The following SVEP1 variants were observed in gnomAD, a reference collection of about 807,000 sequenced individuals.
SVEP1 encodes sushi, von Willebrand factor type A, EGF and pentraxin domain containing 1.
In SVEP1, 164 loss-of-function variants were observed where a neutral mutation model predicts 367.3. That is an observed-to-expected ratio of 0.45 (90% CI 0.39 to 0.51). SVEP1 has a LOEUF of 0.51. SVEP1 is among the 20% of genes least tolerant of loss of function. The probability of loss-of-function intolerance (pLI) is 0.00; values close to 1 mark genes in which losing one functional copy is unlikely to be tolerated. For synonymous variants in SVEP1, 1,666 were observed against 1,611.6 expected (o/e 1.03, Z -0.81); for missense variants, 4,117 against 4,425.3 (o/e 0.93, Z 1.98).
intron 12 of SVEP1, 27 bp downstream of exon 12, chr9:110,481,215 G>A: frequency 7.0e-7 from 1 of 1,435,814 alleles, no homozygotes; most frequent in Middle Eastern, 1.8e-4. Flanking sequence ...ACACATTAAA[G>A]AAGTCTAGAA....
intron 23 of SVEP1, 84 bp from the exon 24 acceptor site, chr9:110,450,344 T>G: frequency 7.2e-7 from 1 of 1,397,838 alleles, no homozygotes; most frequent in Non-Finnish European, 9.9e-7. Context: ...CCCTGGAGGA[T>G]GCTGCTTCTA....
At position 110,400,958 on chromosome 9, in the gene SVEP1, A is replaced by C. The variant is rs200910564; in HGVS notation, c.9718T>G (p.Ser3240Ala). The change falls in exon 40 of 48, where the codon TCT (serine) becomes GCT (alanine). Residue 3240 changes from serine to alanine, a missense_variant. Physicochemically the swap from Ser to Ala is moderately conservative, Grantham distance 99. Coordinates refer to ENST00000374469, the MANE Select transcript of SVEP1 (RefSeq NM_153366.4). ...TCTGGACTTTCAGGTTTCCCACAAG[A>C]AACTGGACTGCAAGATTCATCGGAG... ...PFSDESCSPV[S>A]CGKPESPEHG... 1,276 of 1,613,820 alleles carry C rather than the reference A, an allele frequency of 7.9e-4. No individual in the cohort carries two copies. The highest frequency in any genetic ancestry group is 1.0e-3 in the Non-Finnish European group (1,190 of 1,179,866).
intron 46 of SVEP1, 87 bp from the exon 47 acceptor site, chr9:110,370,103 C>T: frequency 8.3e-7 from 1 of 1,199,738 alleles, no homozygotes; most frequent in Non-Finnish European, 1.2e-6. Flanking sequence ...AGATTTGACT[C>T]TACTTCCTGC....
At position 110,464,396 on chromosome 9, in the gene SVEP1, C is replaced by G. The variant is rs372453816; in HGVS notation, c.3322+1469G>C. Among the ~76,000 whole-genome samples the G allele has an allele frequency of 1.6e-4, 25 of 152,302 alleles. No homozygotes were observed. The East Asian group carries it at 2.1e-3, about 13-fold the overall frequency. ...TCCTACTAGACTGAGATAATTTAAACAGATGGAGTATATATAAACCTATAA... is the reference window on the plus strand; with the variant it reads ...TCCTACTAGACTGAGATAATTTAAAGAGATGGAGTATATATAAACCTATAA... On this transcript the variant is annotated intron_variant, in intron 18 of 47. Coordinates refer to ENST00000374469, the MANE Select transcript of SVEP1 (RefSeq NM_153366.4).
intron 26 of SVEP1, among the ~76,000 whole-genome samples, chr9:110,443,965 A>G (rs1296306598): frequency 6.6e-6 from 1 of 152,136 alleles, no homozygotes; most frequent in Admixed American, 6.5e-5. Context: ...GGGTAGGAAA[A>G]AGTCTTAGGA....
intron 31 of SVEP1, 40 bp downstream of exon 31, chr9:110,432,422 T>C (rs1415183513): frequency 6.4e-7 from 1 of 1,574,540 alleles, no homozygotes; most frequent in East Asian, 2.3e-5. Context: ...TCTACAGAGC[T>C]AGAATAATCT....
chr9:110,514,513 C>CAAA (rs71978747), intron 3 of SVEP1, among the ~76,000 whole-genome samples: 3 of 109,428 alleles, frequency 2.7e-5, no homozygotes, highest in Admixed American at 1.8e-4. Context: ...AACTCCATCT[C>CAAA]AAAAAAAAAA....
intron 8 of SVEP1, among the ~76,000 whole-genome samples, chr9:110,490,311 T>G (rs1003863705): frequency 6.6e-6 from 1 of 152,160 alleles, no homozygotes; most frequent in Non-Finnish European, 1.5e-5. Flanking sequence ...ACCTTAAATA[T>G]TTATCTTTTC....
intron 46 of SVEP1, among the ~76,000 whole-genome samples, chr9:110,373,905 TC>T (rs1164760403): frequency 2.0e-5 from 3 of 152,222 alleles, no homozygotes; most frequent in Non-Finnish European, 4.4e-5. Flanking sequence ...TTTTTACTAA[TC>T]AATCAACTAC....
chr9:110,372,164 C>T (rs1257055511), intron 46 of SVEP1, among the ~76,000 whole-genome samples: 1 of 152,204 alleles, frequency 6.6e-6, no homozygotes, highest in Non-Finnish European at 1.5e-5. Context: ...TGATTTTCTT[C>T]TGGGGACTCC....
intron 9 of SVEP1, among the ~76,000 whole-genome samples, chr9:110,485,847 C>G (rs1460820499): frequency 6.6e-6 from 1 of 152,186 alleles, no homozygotes; most frequent in Non-Finnish European, 1.5e-5. Context: ...AATACATACT[C>G]TGAAATTAAC....
At chr9:110,466,060 T>C (rs200787598) in intron 17 of SVEP1, 34 bp from the exon 18 acceptor site, 49 of 1,597,118 alleles carry the variant, frequency 3.1e-5, no homozygotes, top group Non-Finnish European at 3.8e-5. Context: ...CTATCAATAA[T>C]GATATTAAGC....
intron 43 of SVEP1, among the ~76,000 whole-genome samples, chr9:110,383,921 C>A (rs1011149115): frequency 6.6e-6 from 1 of 151,524 alleles, no homozygotes; most frequent in East Asian, 2.0e-4. Flanking sequence ...ATGGGGAATT[C>A]CTCCTCTGTC....
Position 110,375,465 on chromosome 9 carries a change from T to TTAA in SVEP1, c.10505-3_10505-2insTTA. ...TCAGACAGGGAAGAATGCAGATTGC[T>TTAA]AAAAAAAAAAAAAAAAAAAAAAAAA... On this transcript the variant is annotated splice_region_variant and splice_polypyrimidine_tract_variant and intron_variant, in intron 45 of 47. Transcript: ENST00000374469. The TTAA allele has an allele frequency of 3.6e-6, 2 of 555,402 alleles. No individual in the cohort carries two copies. Among genetic ancestry groups the TTAA allele is most frequent in the Admixed American group, 4.5e-5 (1 of 22,340 alleles). The allele number at this position is 555,402 out of a possible 1,614,324, so 34.4% of individuals were successfully genotyped here. A position where few individuals can be genotyped will look rare whatever the true frequency, so the allele number is the denominator to read the frequency against.
At chr9:110,537,537 G>C (rs1758665359) in intron 3 of SVEP1, among the ~76,000 whole-genome samples, 1 of 151,800 alleles carries the variant, frequency 6.6e-6, no homozygotes, top group Non-Finnish European at 1.5e-5. Flanking sequence ...ACAATTCTGT[G>C]ATCAACAGAA....
At position 110,429,553 on chromosome 9, in the gene SVEP1, G is replaced by C. The variant is rs1288998274; in HGVS notation, c.5616-219C>G. ...TAGGATAGATTTAAGAATTTGGCTT[G>C]CCTTCAGTTTGTGTCATGGATTAGT... On this transcript the variant is annotated intron_variant, in intron 34 of 47. Coordinates refer to ENST00000374469, the MANE Select transcript of SVEP1 (RefSeq NM_153366.4). 2.6e-5 allele frequency among the ~76,000 whole-genome samples: 4 copies of C among 151,754 alleles called. No individual in the cohort carries two copies. The East Asian group carries it at 7.7e-4, about 29-fold the overall frequency.
At chr9:110,512,372 T>C (rs1401610369) in intron 5 of SVEP1, among the ~76,000 whole-genome samples, 1 of 152,156 alleles carries the variant, frequency 6.6e-6, no homozygotes, top group East Asian at 1.9e-4. Flanking sequence ...ACTATTTTTT[T>C]TTTTTTATTG....
rs1415713556 is a variant in SVEP1, at chr9:110,459,027, T to C, written c.3409A>G (p.Lys1137Glu). 1.2e-6 allele frequency: 2 copies of C among 1,613,730 alleles called. No homozygotes were observed. The highest frequency in any genetic ancestry group is 2.7e-5 in the African/African-American group (2 of 74,914). The change falls in exon 19 of 48, where the codon AAG becomes GAG. Residue 1137 changes from lysine to glutamate, a missense_variant. Lys to Glu is a moderately conservative substitution (Grantham distance 56, BLOSUM62 1). Transcript: ENST00000374469. ...PRDYYQPNAG[K>E]AFCLACPFYG... The stretch of plus-strand genomic sequence containing the variant: ...AAGGGACAGGCCAGGCAGAAGGCCT[T>C]CCCTGCATTAGGTTGGTAATAGTCA...
In SVEP1 at chr9:110,404,473, TTCTC is replaced by T; in HGVS notation, c.9516_9519del (p.Arg3173SerfsTer14). On this transcript the variant is annotated frameshift_variant, in exon 39 of 48. Transcript: ENST00000374469. LOFTEE classifies it high-confidence loss of function. ...GGACATTTTTTAGGACTGCAGGAGA[TTCTC>T]TCAGGGAACCAGCGACCATCTTTCT... 1.2e-6 allele frequency: 2 copies of T among 1,614,008 alleles called. No individual in the cohort carries two copies. The highest frequency in any genetic ancestry group is 1.7e-6 in the Non-Finnish European group (2 of 1,179,892).
Sources: allele counts gnomAD v4.1 joint callset (sites outside exome capture counted in the v4.1 genomes callset), GRCh38; gene constraint gnomAD v4.1.1; transcripts MANE v1.5; gene names NCBI Gene and HGNC (gene_info 2026-07-23, HGNC 2026-07-21).